The following GON4L variants were observed in gnomAD, a reference collection of about 807,000 sequenced individuals.
The protein encoded by GON4L is gon-4 like.
Under a neutral mutation model 211.8 loss-of-function variants are expected in GON4L, and 87 were observed. The observed-to-expected ratio is 0.41, with a 90% CI of 0.35 to 0.49. The LOEUF is 0.49. GON4L is among the 20% of genes least tolerant of loss of function. The pLI is 0.15. For synonymous variants in GON4L, 875 were observed against 962.6 expected (o/e 0.91, Z 1.68); for missense variants, 2,155 against 2,659.5 (o/e 0.81, Z 4.17).
intron 2 of GON4L, among the ~76,000 whole-genome samples, chr1:155,839,685 C>T (rs115701136): frequency 0.011 from 1,721 of 150,548 alleles, 32 homozygotes; most frequent in African/African-American, 0.04. Context: ...TTGGACAAGT[C>T]AGAAAGTTCA....
intron 24 of GON4L, among the ~76,000 whole-genome samples, 159 bp from the exon 25 acceptor site, chr1:155,758,193 A>G (rs906045446): frequency 6.6e-6 from 1 of 151,246 alleles, no homozygotes; most frequent in African/African-American, 2.4e-5. Flanking sequence ...TTAAAACCCT[A>G]ACCTCCATCC....
intron 2 of GON4L, among the ~76,000 whole-genome samples, chr1:155,850,261 CA>C (rs768503574): frequency 1.3e-5 from 2 of 152,090 alleles, no homozygotes; most frequent in African/African-American, 4.8e-5. Context: ...AGCAAAATGG[CA>C]CAAGCTATTT....
chr1:155,802,035 A>G (rs971747050), intron 11 of GON4L, among the ~76,000 whole-genome samples: 13 of 152,234 alleles, frequency 8.5e-5, no homozygotes, highest in Admixed American at 5.9e-4. Flanking sequence ...ATGTTTGAGA[A>G]AAGTCTTAAA....
At position 155,815,787 on chromosome 1, in the gene GON4L, CAA is replaced by C. The variant is rs1668186107; in HGVS notation, c.1161+16_1161+17del. On this transcript the variant is annotated intron_variant, in intron 8 of 31. Coordinates refer to ENST00000368331, the MANE Select transcript of GON4L (RefSeq NM_001282860.2). ...CCTGCTCTATTAAGACAAATATTAC[CAA>C]CTAACATTCACTGACCTCTTCAGCA... 1 of 1,448,814 alleles carries C rather than the reference CAA, an allele frequency of 6.9e-7. No individual in the cohort carries two copies. Among genetic ancestry groups the C allele is most frequent in the Non-Finnish European group, 9.7e-7 (1 of 1,030,150 alleles). The allele number at this position is 1,448,814 out of a possible 1,614,324, so 89.7% of individuals were successfully genotyped here.
At chr1:155,763,160 C>T (rs1191745442) in intron 22 of GON4L, among the ~76,000 whole-genome samples, 152 bp downstream of exon 22, 2 of 152,166 alleles carry the variant, frequency 1.3e-5, no homozygotes, top group East Asian at 1.9e-4. Context: ...CCACATTAAA[C>T]ATGTTTTGGG....
At chr1:155,779,250 T>A (rs1664155127) in intron 14 of GON4L, among the ~76,000 whole-genome samples, 1 of 50,882 alleles carries the variant, frequency 2.0e-5, no homozygotes. Flanking sequence ...CAAGACTCTG[T>A]CTCAAAAAAA....
downstream of GON4L, chr1:155,748,905 AAAG>A (rs1432426638): frequency 4.9e-6 from 5 of 1,011,332 alleles, no homozygotes; most frequent in East Asian, 5.0e-5. Context: ...AAAAGGATAA[AAAG>A]AAGGGCTTTG....
chr1:155,776,577 ATCTC>A (rs778894706), intron 15 of GON4L, 96 bp from the exon 16 acceptor site: 16 of 974,422 alleles, frequency 1.6e-5, no homozygotes, highest in African/African-American at 9.6e-5. Flanking sequence ...TGGAGAAAGG[ATCTC>A]TCTCTGTCAC....
At chr1:155,761,017 A>G (rs1001033442) in intron 23 of GON4L, among the ~76,000 whole-genome samples, 3 of 152,160 alleles carry the variant, frequency 2.0e-5, no homozygotes, top group East Asian at 1.9e-4. Context: ...TAAATAATAC[A>G]TAAGTTAGGA....
intron 15 of GON4L, 124 bp from the exon 16 acceptor site, chr1:155,776,605 C>T (rs1048626228): frequency 8.7e-6 from 7 of 802,976 alleles, no homozygotes; most frequent in Non-Finnish European, 1.1e-5. Flanking sequence ...GGCTGATGTG[C>T]AGTGATGCAA....
intron 16 of GON4L, 107 bp downstream of exon 16, chr1:155,776,288 C>T: frequency 1.1e-6 from 1 of 880,834 alleles, no homozygotes; most frequent in Non-Finnish European, 1.9e-6. Context: ...TCAAAAATAC[C>T]CGAGAGAAGA....
intron 6 of GON4L, among the ~76,000 whole-genome samples, chr1:155,818,177 A>C (rs1266520583): frequency 2.0e-5 from 3 of 151,526 alleles, no homozygotes; most frequent in Admixed American, 2.0e-4. Context: ...GCTGGAGTGC[A>C]GTGGCATGGT....
intron 14 of GON4L, among the ~76,000 whole-genome samples, chr1:155,778,886 T>C (rs1664106427): frequency 1.3e-5 from 2 of 152,122 alleles, no homozygotes; most frequent in Non-Finnish European, 2.9e-5. Flanking sequence ...ATCATACCTT[T>C]TTATGGCTGT....
At position 155,795,319 on chromosome 1, in the gene GON4L, C is replaced by T. The variant is rs557368407; in HGVS notation, c.1646-168G>A. On this transcript the variant is annotated intron_variant, in intron 11 of 31. Transcript: ENST00000368331. ...TCAGCTCACTGCAACCTCCACCTCCCGGGCTCAAGTGATCCTCCCACCTTA... is the reference window on the plus strand; with the variant it reads ...TCAGCTCACTGCAACCTCCACCTCCTGGGCTCAAGTGATCCTCCCACCTTA... Among the ~76,000 whole-genome samples, 231 of 152,020 alleles carry T rather than the reference C, an allele frequency of 1.5e-3. 1 individual carries two copies. Among genetic ancestry groups the T allele is most frequent in the African/African-American group, 5.3e-3 (220 of 41,484 alleles).
chr1:155,812,130 A>G (rs1027184354), intron 10 of GON4L, among the ~76,000 whole-genome samples: 1 of 152,152 alleles, frequency 6.6e-6, no homozygotes, highest in Admixed American at 6.6e-5. Flanking sequence ...ATGGAAAATA[A>G]TAACTTTACA....
chr1:155,844,128 G>A (rs1400345980), intron 2 of GON4L, among the ~76,000 whole-genome samples: 1 of 152,184 alleles, frequency 6.6e-6, no homozygotes, highest in Non-Finnish European at 1.5e-5. Flanking sequence ...AATAGGGGTG[G>A]TGGCCCCTTG....
chr1:155,810,996 G>C (rs376612172), intron 10 of GON4L, among the ~76,000 whole-genome samples: 1 of 151,676 alleles, frequency 6.6e-6, no homozygotes, highest in African/African-American at 2.4e-5. Context: ...TCCAGCCTGC[G>C]TGACAGACTG....
At chr1:155,745,565 C>T (rs1443606040), downstream of GON4L, among the ~76,000 whole-genome samples, 2 of 152,246 alleles carry the variant, frequency 1.3e-5, no homozygotes, top group Non-Finnish European at 2.9e-5. Flanking sequence ...GCGGAGACAG[C>T]GCCCACCCCG....
chr1:155,843,069 TA>T (rs1284252234), intron 2 of GON4L, among the ~76,000 whole-genome samples: 1 of 152,054 alleles, frequency 6.6e-6, no homozygotes, highest in Non-Finnish European at 1.5e-5. Context: ...CTGGAAGACT[TA>T]AAGTTGCTAT....
Sources: gnomAD v4.1 joint callset for allele counts (sites outside exome capture counted in the v4.1 genomes callset) on GRCh38, gnomAD v4.1.1 for gene constraint, MANE v1.5 for transcripts, NCBI Gene and HGNC (gene_info 2026-07-23, HGNC 2026-07-21) for gene names.